SNX6: variants seen among roughly 807,000 people sequenced by gnomAD.
SNX6 encodes sorting nexin 6.
SNX6 carries 34 observed loss-of-function variants against 63.0 expected under a neutral mutation model. The ratio of observed to expected loss-of-function variants is 0.54; its 90% CI spans 0.41 to 0.72. The LOEUF (loss-of-function observed/expected upper bound fraction) is 0.72, where lower values mean the gene tolerates loss of function less well. Ranked by LOEUF, SNX6 falls within the 30% of genes least tolerant of loss-of-function variation. SNX6 has a pLI of 0.00. For synonymous variants in SNX6, 170 were observed against 164.2 expected (o/e 1.04, Z -0.27); for missense variants, 398 against 471.4 (o/e 0.84, Z 1.44).
intron 8 of SNX6, among the ~76,000 whole-genome samples, chr14:34,588,090 C>T (rs1882248505): frequency 1.3e-5 from 2 of 151,774 alleles, no homozygotes; most frequent in South Asian, 4.2e-4. Flanking sequence ...TCACTGCAAG[C>T]TCTGCATCCC....
chr14:34,620,834 A>G (rs893401483), intron 2 of SNX6, among the ~76,000 whole-genome samples: 2 of 152,066 alleles, frequency 1.3e-5, no homozygotes, highest in African/African-American at 4.8e-5. Flanking sequence ...CCAGCTACTC[A>G]GGAAGCTGAG....
intron 4 of SNX6, among the ~76,000 whole-genome samples, chr14:34,606,851 T>A (rs1031850263): frequency 1.3e-5 from 2 of 152,118 alleles, no homozygotes; most frequent in Non-Finnish European, 2.9e-5. Flanking sequence ...GGACCTTGAC[T>A]CACTGCAACC....
chr14:34,625,482 C>T (rs151067250), intron 2 of SNX6, among the ~76,000 whole-genome samples: 3,691 of 152,140 alleles, frequency 0.024, 163 homozygotes, highest in African/African-American at 0.085. Flanking sequence ...CCTGTAATCC[C>T]AGCACTTTGG....
intron 10 of SNX6, among the ~76,000 whole-genome samples, chr14:34,577,425 A>G (rs1881754605): frequency 6.6e-6 from 1 of 152,062 alleles, no homozygotes; most frequent in African/African-American, 2.4e-5. Context: ...TGTACACACA[A>G]TTTTAAAGGA....
chr14:34,580,530 G>C (rs1002491847), intron 10 of SNX6, among the ~76,000 whole-genome samples: 16 of 152,016 alleles, frequency 1.1e-4, no homozygotes, highest in Non-Finnish European at 1.8e-4. Flanking sequence ...CGAACTCCTG[G>C]CCTCTACTGA....
chr14:34,624,836 A>C (rs1883765710), intron 2 of SNX6, among the ~76,000 whole-genome samples: 2 of 152,110 alleles, frequency 1.3e-5, no homozygotes, highest in Non-Finnish European at 2.9e-5. Context: ...GCTGCTTTAC[A>C]TGAAATGCTA....
At chr14:34,568,183 G>T in intron 11 of SNX6, among the ~76,000 whole-genome samples, 170 bp from the exon 12 acceptor site, 1 of 145,204 alleles carries the variant, frequency 6.9e-6, no homozygotes. Flanking sequence ...TTGCTCTTGT[G>T]GCCCAGGCTG....
intron 11 of SNX6, among the ~76,000 whole-genome samples, chr14:34,570,844 C>T (rs1318317055): frequency 6.6e-6 from 1 of 151,460 alleles, no homozygotes; most frequent in Non-Finnish European, 1.5e-5. Context: ...CTGCCTCAGC[C>T]TCCCGAGTAG....
At chr14:34,565,966 G>T (rs1881164335) in intron 13 of SNX6, among the ~76,000 whole-genome samples, 1 of 152,172 alleles carries the variant, frequency 6.6e-6, no homozygotes, top group Non-Finnish European at 1.5e-5. Flanking sequence ...TGGGATTACA[G>T]GCGTGAGCCA....
chr14:34,608,229 G>A, intron 3 of SNX6, 89 bp from the exon 4 acceptor site: 2 of 645,882 alleles, frequency 3.1e-6, no homozygotes, highest in South Asian at 3.7e-5. Flanking sequence ...CCAGGCTGGA[G>A]TGCAGTCGAA....
At chr14:34,574,565 G>A (rs1034468298) in intron 11 of SNX6, among the ~76,000 whole-genome samples, 1 of 139,088 alleles carries the variant, frequency 7.2e-6, no homozygotes, top group Non-Finnish European at 1.5e-5. Context: ...CAGGAAAACC[G>A]CTTGAACCCA....
intron 13 of SNX6, among the ~76,000 whole-genome samples, chr14:34,563,420 G>T (rs565438269): frequency 1.3e-5 from 2 of 152,196 alleles, no homozygotes; most frequent in South Asian, 4.1e-4. Flanking sequence ...TTAGCCGGGC[G>T]TGGTGGTTGG....
At position 34,630,123 on chromosome 14, in the gene SNX6, T is replaced by G. The variant is rs574341457; in HGVS notation, c.-7A>C. The G allele has an allele frequency of 0.023, 31,092 of 1,353,946 alleles. 452 individuals are homozygous for G. The highest frequency in any genetic ancestry group is 0.027 in the Non-Finnish European group (28,129 of 1,059,644). The allele number at this position is 1,353,946 out of a possible 1,614,324, so 83.9% of individuals were successfully genotyped here. Reference sequence around the variant, plus strand: ...GGAGAACACCCACCATCATGGCTGCTCCGAGGCGAGGGCCGGCGCAGGCGC... The same window carrying G: ...GGAGAACACCCACCATCATGGCTGCGCCGAGGCGAGGGCCGGCGCAGGCGC... On this transcript the variant is annotated 5_prime_UTR_variant, in exon 1 of 14. Transcript: ENST00000362031.
intron 2 of SNX6, among the ~76,000 whole-genome samples, chr14:34,621,997 C>T (rs1398745863): frequency 4.6e-5 from 5 of 109,112 alleles, no homozygotes; most frequent in African/African-American, 1.9e-4. Flanking sequence ...TCACTCTTGT[C>T]GCCCAGGCTG....
At chr14:34,613,984 T>C (rs940252565) in intron 2 of SNX6, among the ~76,000 whole-genome samples, 1 of 151,724 alleles carries the variant, frequency 6.6e-6, no homozygotes, top group Non-Finnish European at 1.5e-5. Flanking sequence ...GGCAGGTGCC[T>C]GTAATCCCAG....
At chr14:34,595,645 A>G (rs1882566387) in intron 7 of SNX6, among the ~76,000 whole-genome samples, 1 of 152,216 alleles carries the variant, frequency 6.6e-6, no homozygotes, top group South Asian at 2.1e-4. Flanking sequence ...AGCAGCATCA[A>G]ATGGAAGTAA....
intron 4 of SNX6, among the ~76,000 whole-genome samples, chr14:34,606,288 T>G (rs1020198641): frequency 6.6e-6 from 1 of 150,824 alleles, no homozygotes; most frequent in African/African-American, 2.4e-5. Flanking sequence ...GCCCAACTAA[T>G]TTTTGTATTT....
chr14:34,600,752 C>A (rs1452342235), intron 6 of SNX6, among the ~76,000 whole-genome samples: 1 of 152,104 alleles, frequency 6.6e-6, no homozygotes, highest in Non-Finnish European at 1.5e-5. Context: ...AGTGCAATCA[C>A]CTCGGCCAGG....
intron 2 of SNX6, among the ~76,000 whole-genome samples, chr14:34,612,169 G>A (rs1319760174): frequency 7.9e-5 from 12 of 151,618 alleles, no homozygotes; most frequent in South Asian, 6.3e-4. Flanking sequence ...TTGAACTCCC[G>A]AGCTCAGGCA....
Sources: allele counts gnomAD v4.1 joint callset (sites outside exome capture counted in the v4.1 genomes callset), GRCh38; gene constraint gnomAD v4.1.1; transcripts MANE v1.5; gene names NCBI Gene and HGNC (gene_info 2026-07-23, HGNC 2026-07-21).